Variants in NCALD observed in about 807,000 individuals in gnomAD.
NCALD encodes the protein neurocalcin delta.
NCALD carries 10 observed loss-of-function variants against 18.6 expected under a neutral mutation model. The observed-to-expected ratio is 0.54, with a 90% CI of 0.33 to 0.91. The LOEUF is 0.91. Ranked by LOEUF, NCALD falls within the 40% of genes least tolerant of loss-of-function variation. The probability of loss-of-function intolerance (pLI) is 0.03; values close to 1 mark genes in which losing one functional copy is unlikely to be tolerated. For missense variants in NCALD, 184 were observed against 247.6 expected (o/e 0.74, Z 1.72); for synonymous variants, 88 against 87.4 (o/e 1.01, Z -0.04).
intron 1 of NCALD, among the ~76,000 whole-genome samples, chr8:102,038,549 A>T (rs536439699): frequency 6.6e-6 from 1 of 152,330 alleles, no homozygotes; most frequent in East Asian, 1.9e-4. Context: ...CCATAGCAGC[A>T]AAGTCCCTAG....
chr8:101,769,268 C>T (rs4734595), intron 1 of NCALD, among the ~76,000 whole-genome samples: 121,817 of 152,146 alleles, frequency 0.8, 48,827 homozygotes, highest in African/African-American at 0.84. Context: ...ATGTCTACTT[C>T]TTGTGTTCTA....
chr8:102,041,183 C>G (rs767203852), intron 1 of NCALD, among the ~76,000 whole-genome samples: 1 of 152,294 alleles, frequency 6.6e-6, no homozygotes, highest in Non-Finnish European at 1.5e-5. Flanking sequence ...TATTCCTCAC[C>G]TTTGCAGCCT....
intron 1 of NCALD, among the ~76,000 whole-genome samples, chr8:101,764,006 ACACACACACC>A (rs748312943): frequency 0.087 from 10,413 of 119,970 alleles, 553 homozygotes; most frequent in Non-Finnish European, 0.11. Context: ...ACACACACAC[ACACACACACC>A]CCCTATTGGT....
intron 1 of NCALD, among the ~76,000 whole-genome samples, chr8:101,777,021 C>T (rs1229800626): frequency 6.6e-6 from 1 of 152,096 alleles, no homozygotes; most frequent in Non-Finnish European, 1.5e-5. Context: ...CAATTTCCAC[C>T]AGTCTCCCCC....
intron 1 of NCALD, among the ~76,000 whole-genome samples, chr8:101,763,638 GTAAAGCAGTTGTCTTTCC>G (rs1275775647): frequency 6.6e-5 from 10 of 152,122 alleles, no homozygotes; most frequent in Non-Finnish European, 8.8e-5. Context: ...AGCAGACTAA[GTAAAGCAGTTGTCTTTCC>G]TAATGTGAGT....
chr8:101,987,345 T>C (rs1323679440), intron 2 of NCALD, among the ~76,000 whole-genome samples: 1 of 152,224 alleles, frequency 6.6e-6, no homozygotes, highest in Non-Finnish European at 1.5e-5. Context: ...AGACATTTTC[T>C]TCTTGAACAA....
At chr8:102,093,599 C>T (rs1000740796) in intron 1 of NCALD, among the ~76,000 whole-genome samples, 1 of 152,194 alleles carries the variant, frequency 6.6e-6, no homozygotes, top group African/African-American at 2.4e-5. Context: ...CTTCTTTTCT[C>T]CATCTTTCTA....
rs3085988 is a variant in NCALD at position 102,057,257 on chromosome 8, TACAC to T, written c.-209-36972_-209-36969del. Among the ~76,000 whole-genome samples the T allele has an allele frequency of 6.8e-3, 1,012 of 147,772 alleles. 15 individuals are homozygous for T. The highest frequency in any genetic ancestry group is 0.024 in the African/African-American group (950 of 39,988). ...TTCTCCCTTCTACTTGGCTAGTTCA[TACAC>T]ACACACACACACACACACACACACA... On this transcript the variant is annotated intron_variant, in intron 1 of 6. Coordinates refer to the NCALD transcript ENST00000311028.
At chr8:102,120,213 C>T (rs1041496841) in intron 1 of NCALD, among the ~76,000 whole-genome samples, 41 of 152,218 alleles carry the variant, frequency 2.7e-4, no homozygotes, top group Admixed American at 2.7e-3. Context: ...TGTTGCTTTG[C>T]AATCCAAAAT....
intron 1 of NCALD, among the ~76,000 whole-genome samples, chr8:102,034,974 CT>C (rs1822808308): frequency 6.6e-6 from 1 of 152,188 alleles, no homozygotes; most frequent in Non-Finnish European, 1.5e-5. Flanking sequence ...AACAACATCC[CT>C]TTTCCCCCTG....
intron 1 of NCALD, among the ~76,000 whole-genome samples, chr8:101,728,829 CA>C (rs1399454151): frequency 7.4e-6 from 1 of 134,994 alleles, no homozygotes; most frequent in Admixed American, 8.3e-5. Flanking sequence ...CAAAACAAAA[CA>C]AAACAAACAA....
At chr8:101,776,806 T>G (rs1260334027) in intron 1 of NCALD, among the ~76,000 whole-genome samples, 1 of 152,158 alleles carries the variant, frequency 6.6e-6, no homozygotes, top group Non-Finnish European at 1.5e-5. Flanking sequence ...CATGATTATA[T>G]AGAACCATGA....
At chr8:101,906,735 A>G (rs1288178575) in intron 3 of NCALD, among the ~76,000 whole-genome samples, 1 of 152,186 alleles carries the variant, frequency 6.6e-6, no homozygotes, top group African/African-American at 2.4e-5. Context: ...GTGGGTCAAG[A>G]GAAAATAAGG....
intron 2 of NCALD, among the ~76,000 whole-genome samples, chr8:101,933,186 G>C (rs1275693694): frequency 6.6e-6 from 1 of 152,210 alleles, no homozygotes; most frequent in Non-Finnish European, 1.5e-5. Context: ...CTAGTCCCCA[G>C]AATCTGTCAA....
intron 1 of NCALD, among the ~76,000 whole-genome samples, chr8:102,050,152 G>C (rs565707687): frequency 2.8e-5 from 2 of 71,218 alleles, no homozygotes; most frequent in Non-Finnish European, 5.1e-5. Flanking sequence ...CTGGGCGACA[G>C]AGCGAGACTC....
chr8:101,692,518 C>T (rs1359034362), intron 3 of NCALD: 1 of 985,328 alleles, frequency 1.0e-6, no homozygotes, highest in Non-Finnish European at 1.2e-6. Context: ...TTCTTGGTTC[C>T]TTTCATTCTT....
chr8:101,805,983 T>C (rs983607285), intron 4 of NCALD, among the ~76,000 whole-genome samples: 1 of 152,128 alleles, frequency 6.6e-6, no homozygotes, highest in Admixed American at 6.6e-5. Flanking sequence ...GCCTAACAGC[T>C]GGGTGTGATA....
At chr8:101,764,264 A>G (rs1006634408) in intron 1 of NCALD, among the ~76,000 whole-genome samples, 1 of 152,188 alleles carries the variant, frequency 6.6e-6, no homozygotes, top group African/African-American at 2.4e-5. Context: ...TCCAACATCT[A>G]AAGATCAGAG....
chr8:101,865,231 C>G (rs1233179210), intron 4 of NCALD, among the ~76,000 whole-genome samples: 1 of 152,164 alleles, frequency 6.6e-6, no homozygotes, highest in Non-Finnish European at 1.5e-5. Context: ...TATTCTCAAT[C>G]AATTTTATAC....
Sources: gnomAD v4.1 joint callset for allele counts (sites outside exome capture counted in the v4.1 genomes callset) on GRCh38, gnomAD v4.1.1 for gene constraint, MANE v1.5 for transcripts, NCBI Gene and HGNC (gene_info 2026-07-23, HGNC 2026-07-21) for gene names.